The following SCFD2 variants were observed in gnomAD, a reference collection of about 807,000 sequenced individuals.
SCFD2 encodes the protein sec1 family domain-containing protein 2.
In SCFD2, 54 loss-of-function variants were observed where a neutral mutation model predicts 58.9. The ratio of observed to expected loss-of-function variants is 0.92; its 90% CI spans 0.74 to 1.15. The LOEUF (loss-of-function observed/expected upper bound fraction) is 1.15, where lower values mean the gene tolerates loss of function less well. Ranked by LOEUF, SCFD2 falls within the 50% of genes most tolerant of loss-of-function variation. The probability of loss-of-function intolerance (pLI) is 0.00; values close to 1 mark genes in which losing one functional copy is unlikely to be tolerated. For synonymous variants in SCFD2, 321 were observed against 335.9 expected (o/e 0.96, Z 0.49); for missense variants, 805 against 836.6 (o/e 0.96, Z 0.47).
At chr4:52,979,208 C>T (rs1721322694) in intron 5 of SCFD2, among the ~76,000 whole-genome samples, 1 of 152,076 alleles carries the variant, frequency 6.6e-6, no homozygotes, top group Non-Finnish European at 1.5e-5. Flanking sequence ...CCTAAGAGAC[C>T]TCTACAGATG....
chr4:53,055,230 C>T (rs902349035), intron 5 of SCFD2, among the ~76,000 whole-genome samples: 1 of 152,120 alleles, frequency 6.6e-6, no homozygotes, highest in Admixed American at 6.5e-5. Context: ...GTTCCAAAAG[C>T]GTAACTTGCT....
chr4:53,239,188 G>A (rs1257280557), intron 4 of SCFD2, among the ~76,000 whole-genome samples: 3 of 151,734 alleles, frequency 2.0e-5, no homozygotes, highest in East Asian at 1.9e-4. Flanking sequence ...GCGAAACCCC[G>A]TCTCCACCAA....
At chr4:53,032,146 A>T (rs1722631053) in intron 5 of SCFD2, among the ~76,000 whole-genome samples, 1 of 152,226 alleles carries the variant, frequency 6.6e-6, no homozygotes, top group South Asian at 2.1e-4. Flanking sequence ...AACATTCTTA[A>T]AGAAAAGAAT....
At chr4:53,030,427 C>T (rs1722587759) in intron 5 of SCFD2, among the ~76,000 whole-genome samples, 1 of 151,760 alleles carries the variant, frequency 6.6e-6, no homozygotes, top group African/African-American at 2.4e-5. Context: ...AAAAATCTAG[C>T]CTTTTTTTTT....
chr4:53,125,870 G>A (rs749766112), intron 5 of SCFD2, among the ~76,000 whole-genome samples: 1 of 152,142 alleles, frequency 6.6e-6, no homozygotes, highest in Non-Finnish European at 1.5e-5. Context: ...AATGTTTCAG[G>A]AGTGATGGTT....
intron 7 of SCFD2, among the ~76,000 whole-genome samples, chr4:52,902,468 A>G (rs1168169072): frequency 6.6e-6 from 1 of 152,202 alleles, no homozygotes; most frequent in African/African-American, 2.4e-5. Context: ...TTTGGGGGGC[A>G]GTGTATCTAT....
intron 3 of SCFD2, among the ~76,000 whole-genome samples, chr4:53,297,995 CCA>C (rs1476148999): frequency 2.6e-5 from 4 of 152,048 alleles, no homozygotes; most frequent in Admixed American, 6.6e-5. Flanking sequence ...AGGAACAGCT[CCA>C]GTCTACAGCT....
chr4:52,896,545 G>A (rs1216600947), intron 7 of SCFD2, among the ~76,000 whole-genome samples: 4 of 152,280 alleles, frequency 2.6e-5, no homozygotes, highest in South Asian at 2.1e-4. Flanking sequence ...CCAGTACCAC[G>A]CTGTTTTGGT....
Position 53,038,982 on chromosome 4 carries a change from G to A in SCFD2, c.1561+106351C>T, listed in dbSNP as rs1459987241. Among the ~76,000 whole-genome samples the A allele has an allele frequency of 2.0e-5, 3 of 152,084 alleles. No individual in the cohort carries two copies. The East Asian group carries it at 5.8e-4, about 29-fold the overall frequency. On this transcript the variant is annotated intron_variant, in intron 5 of 8. Transcript: ENST00000401642. ...TAGAATTATAGGCGTGAGTCACCAT[G>A]CCTAGCCTAAAGTATTTTAATACCG...
chr4:52,884,085 T>C (rs1369250639), intron 8 of SCFD2, among the ~76,000 whole-genome samples: 1 of 152,218 alleles, frequency 6.6e-6, no homozygotes, highest in Non-Finnish European at 1.5e-5. Flanking sequence ...CAAGGGTTAC[T>C]GAGCCACTGC....
chr4:53,264,493 C>G (rs1487482171), intron 4 of SCFD2, among the ~76,000 whole-genome samples: 1 of 152,146 alleles, frequency 6.6e-6, no homozygotes, highest in Non-Finnish European at 1.5e-5. Flanking sequence ...CCAAATGACT[C>G]TTGAATAGCA....
chr4:53,040,335 T>C (rs1722866440), intron 5 of SCFD2, among the ~76,000 whole-genome samples: 1 of 152,192 alleles, frequency 6.6e-6, no homozygotes, highest in African/African-American at 2.4e-5. Flanking sequence ...ATTAACAAAG[T>C]ATTTATGAAT....
At chr4:53,299,558 C>A (rs1732191093) in intron 3 of SCFD2, among the ~76,000 whole-genome samples, 1 of 151,956 alleles carries the variant, frequency 6.6e-6, no homozygotes, top group Admixed American at 6.6e-5. Flanking sequence ...CCCAATCTAG[C>A]AAGGCAGGCC....
At chr4:53,249,006 C>T (rs1410471805) in intron 4 of SCFD2, among the ~76,000 whole-genome samples, 18 of 152,188 alleles carry the variant, frequency 1.2e-4, no homozygotes, top group South Asian at 2.1e-4. Context: ...CAAACTACTC[C>T]GAGCTATGGG....
At position 52,920,713 on chromosome 4, in the gene SCFD2, G is replaced by T. The variant is rs201206820; in HGVS notation, c.1707+12C>A. 6.4e-6 allele frequency: 10 copies of T among 1,568,948 alleles called. No individual in the cohort carries two copies. In the East Asian group the frequency reaches 2.4e-4, roughly 37 times the overall value. On this transcript the variant is annotated intron_variant, in intron 6 of 8. Transcript: ENST00000401642. ...ACAGATTAGAAGGTTACTTTAAAAC[G>T]TATATACTTGCCTGGTGGGTATGAT...
intron 5 of SCFD2, among the ~76,000 whole-genome samples, chr4:53,141,402 T>G (rs1318268848): frequency 1.3e-5 from 2 of 152,146 alleles, no homozygotes; most frequent in African/African-American, 2.4e-5. Flanking sequence ...AACAACCTCT[T>G]GTCTTTTGAC....
At chr4:53,258,563 T>C (rs867688725) in intron 4 of SCFD2, among the ~76,000 whole-genome samples, 1 of 79,016 alleles carries the variant, frequency 1.3e-5, no homozygotes, top group South Asian at 3.5e-4. Context: ...TATATATATA[T>C]ATATATATAT....
intron 6 of SCFD2, among the ~76,000 whole-genome samples, chr4:52,908,297 C>G (rs1005667033): frequency 6.6e-6 from 1 of 152,192 alleles, no homozygotes; most frequent in Non-Finnish European, 1.5e-5. Flanking sequence ...ATATGGGGAG[C>G]CAGCCGCCTT....
At chr4:53,273,512 T>C (rs1394966318) in intron 4 of SCFD2, 1 of 188,916 alleles carries the variant, frequency 5.3e-6, no homozygotes, top group Non-Finnish European at 1.1e-5. Context: ...AAGGATCAAA[T>C]AAAGATGCCA....
Sources: gnomAD v4.1 joint callset for allele counts (sites outside exome capture counted in the v4.1 genomes callset) on GRCh38, gnomAD v4.1.1 for gene constraint, MANE v1.5 for transcripts, NCBI Gene and HGNC (gene_info 2026-07-23, HGNC 2026-07-21) for gene names.